NCK2: variants seen among roughly 807,000 people sequenced by gnomAD.
NCK2 encodes NCK adaptor protein 2.
In NCK2, 16 loss-of-function variants were observed where a neutral mutation model predicts 33.9. That is an observed-to-expected ratio of 0.47 (90% CI 0.32 to 0.72). NCK2 has a LOEUF of 0.72. Among genes scored for constraint, NCK2 ranks in the 30% least tolerant of loss-of-function variants. The probability of loss-of-function intolerance (pLI) is 0.03; values close to 1 mark genes in which losing one functional copy is unlikely to be tolerated. For synonymous variants in NCK2, 273 were observed against 239.9 expected (o/e 1.14, Z -1.27); for missense variants, 418 against 537.3 (o/e 0.78, Z 2.19).
At chr2:105,831,951 G>A (rs1213073468) in intron 2 of NCK2, among the ~76,000 whole-genome samples, 7 of 152,116 alleles carry the variant, frequency 4.6e-5, no homozygotes, top group Admixed American at 3.9e-4. Flanking sequence ...TATTGATAGG[G>A]ATCACATTGA....
chr2:105,878,672 C>T (rs1420661386), intron 3 of NCK2, among the ~76,000 whole-genome samples: 1 of 152,210 alleles, frequency 6.6e-6, no homozygotes, highest in Admixed American at 6.5e-5. Flanking sequence ...AGTATGTTCA[C>T]ATTTGGGGGG....
chr2:105,862,531 A>T (rs2104605514), intron 3 of NCK2, among the ~76,000 whole-genome samples: 1 of 152,286 alleles, frequency 6.6e-6, no homozygotes, highest in Admixed American at 6.5e-5. Context: ...GACTATCTGG[A>T]TTTAGTGGTA....
chr2:105,882,145 A>G, intron 4 of NCK2, 96 bp downstream of exon 4: 3 of 1,299,100 alleles, frequency 2.3e-6, no homozygotes, highest in Admixed American at 3.5e-5. Context: ...GTGTGAGTAC[A>G]CTAGAAAGAG....
chr2:105,835,386 C>T (rs7598964), intron 2 of NCK2, among the ~76,000 whole-genome samples: 8 of 5,704 alleles, frequency 1.4e-3, no homozygotes, highest in East Asian at 0.022. Context: ...CATATATATA[C>T]ACATATATAT....
chr2:105,771,321 C>T (rs1236357902), intron 1 of NCK2, among the ~76,000 whole-genome samples: 2 of 151,840 alleles, frequency 1.3e-5, no homozygotes, highest in African/African-American at 2.4e-5. Context: ...AATCCCAGCA[C>T]TTTGGGAGGC....
At chr2:105,768,668 T>G (rs140420866) in intron 1 of NCK2, among the ~76,000 whole-genome samples, 1 of 151,980 alleles carries the variant, frequency 6.6e-6, no homozygotes, top group Non-Finnish European at 1.5e-5. Context: ...ACATGATGAG[T>G]TTTTTTTGAA....
chr2:105,808,465 A>C (rs1189013792), intron 1 of NCK2, among the ~76,000 whole-genome samples: 2 of 152,208 alleles, frequency 1.3e-5, no homozygotes, highest in East Asian at 3.9e-4. Flanking sequence ...ATCACGGATT[A>C]ATCGGGTGGT....
At chr2:105,884,339 G>A (rs6754967) in intron 4 of NCK2, among the ~76,000 whole-genome samples, 1 of 152,172 alleles carries the variant, frequency 6.6e-6, no homozygotes, top group Non-Finnish European at 1.5e-5. Context: ...AGGCCACCAA[G>A]AGCCCTTAGG....
chr2:105,829,736 A>G (rs1414847173), intron 2 of NCK2, among the ~76,000 whole-genome samples: 2 of 152,122 alleles, frequency 1.3e-5, no homozygotes, highest in African/African-American at 2.4e-5. Flanking sequence ...TTCACTCCAT[A>G]CTGACTCCCT....
chr2:105,865,103 C>T (rs1172953888), intron 3 of NCK2, among the ~76,000 whole-genome samples: 1 of 152,122 alleles, frequency 6.6e-6, no homozygotes, highest in Non-Finnish European at 1.5e-5. Flanking sequence ...ATGTGGCTTC[C>T]ACCCTGAAGC....
chr2:105,799,046 C>T lies in NCK2; in HGVS notation c.-200-17384C>T, dbSNP rs1057109488. Among the ~76,000 whole-genome samples, 6 of 152,062 alleles carry T rather than the reference C, an allele frequency of 3.9e-5. 1 individual carries two copies. Among genetic ancestry groups the T allele is most frequent in the South Asian group, 4.2e-4 (2 of 4,818 alleles). On this transcript the variant is annotated intron_variant, in intron 1 of 4. Transcript: ENST00000233154. ...TTCTTACCTGGTTTTCCTTGGCCCA[C>T]GGTTTTCTTGGTGTGTTGGTCTTTT...
rs55991015 is a variant in NCK2 at position 105,772,020 on chromosome 2, G to T, written c.-201+26882G>T. Among the ~76,000 whole-genome samples the T allele has an allele frequency of 5.4e-3, 819 of 152,300 alleles. 5 individuals carry two copies. The highest frequency in any genetic ancestry group is 9.1e-3 in the Non-Finnish European group (617 of 68,024). On this transcript the variant is annotated intron_variant, in intron 1 of 4. Transcript: ENST00000233154. ...AAGTGTCCAGGAACTCTTCAGCTCT[G>T]AGTCTTTGAGAACTCAGCTTGTAAG...
At chr2:105,855,972 C>T (rs1677250457) in intron 3 of NCK2, among the ~76,000 whole-genome samples, 1 of 152,094 alleles carries the variant, frequency 6.6e-6, no homozygotes, top group Non-Finnish European at 1.5e-5. Flanking sequence ...GTAGCTGGGA[C>T]TACAGGCACC....
At chr2:105,870,419 G>T (rs568007556) in intron 3 of NCK2, among the ~76,000 whole-genome samples, 1 of 152,130 alleles carries the variant, frequency 6.6e-6, no homozygotes, top group Non-Finnish European at 1.5e-5. Context: ...TTTGAATGGC[G>T]CACAGTAGAA....
chr2:105,813,258 C>T (rs1243343464), intron 1 of NCK2, among the ~76,000 whole-genome samples: 2 of 152,136 alleles, frequency 1.3e-5, no homozygotes, highest in East Asian at 1.9e-4. Context: ...AGCCTGTCAC[C>T]GTTTCTATCA....
At chr2:105,836,360 C>T (rs949392175) in intron 2 of NCK2, among the ~76,000 whole-genome samples, 3 of 151,956 alleles carry the variant, frequency 2.0e-5, no homozygotes, top group Non-Finnish European at 4.4e-5. Context: ...GTGTAGTCTT[C>T]GTATGATTTC....
rs150771572 is a variant in NCK2, at chr2:105,836,311, G to T, written c.-16-18737G>T. Among the ~76,000 whole-genome samples, 36 of 151,968 alleles carry T rather than the reference G, an allele frequency of 2.4e-4. No homozygotes were observed. The East Asian group carries it at 5.8e-3, about 25-fold the overall frequency. On this transcript the variant is annotated intron_variant, in intron 2 of 4. Transcript: ENST00000233154. ...TAGATGTATGCTATAGTATCATTTGGGTAGGATGCTTTGGGTTTGATTCTG... is the reference window on the plus strand; with the variant it reads ...TAGATGTATGCTATAGTATCATTTGTGTAGGATGCTTTGGGTTTGATTCTG...
chr2:105,865,485 A>T (rs2104613846), intron 3 of NCK2, among the ~76,000 whole-genome samples: 1 of 152,238 alleles, frequency 6.6e-6, no homozygotes, highest in Admixed American at 6.5e-5. Flanking sequence ...AGTTCCTGCT[A>T]GGCATCAATA....
At chr2:105,755,331 G>A (rs1178967695) in intron 1 of NCK2, among the ~76,000 whole-genome samples, 1 of 152,168 alleles carries the variant, frequency 6.6e-6, no homozygotes, top group African/African-American at 2.4e-5. Context: ...TCATTTTGAA[G>A]CTTTGCTGGG....
Sources: allele counts gnomAD v4.1 joint callset (sites outside exome capture counted in the v4.1 genomes callset), GRCh38; gene constraint gnomAD v4.1.1; transcripts MANE v1.5; gene names NCBI Gene and HGNC (gene_info 2026-07-23, HGNC 2026-07-21).